The following RHCG variants were observed in gnomAD, a reference collection of about 807,000 sequenced individuals.
The protein encoded by RHCG is ammonium transporter Rh type C.
A neutral mutation model predicts 55.3 loss-of-function variants in RHCG; 39 were observed. The ratio of observed to expected loss-of-function variants is 0.70; its 90% CI spans 0.55 to 0.92. The LOEUF is 0.92. RHCG is among the 40% of genes least tolerant of loss of function. RHCG has a pLI of 0.00. For missense variants in RHCG, 635 were observed against 627.9 expected, an observed-to-expected ratio of 1.01 and a Z score of -0.12; for synonymous variants, 250 against 246.8, an observed-to-expected ratio of 1.01 and a Z score of -0.12.
Position 89,496,403 on chromosome 15 carries a change from T to A in RHCG, c.142A>T (p.Asn48Tyr). The A allele has an allele frequency of 6.2e-7, 1 of 1,614,014 alleles. No homozygotes were observed. The highest frequency in any genetic ancestry group is 1.1e-5 in the South Asian group (1 of 91,084). The change falls in exon 1 of 11, where the codon AAC becomes TAC. Residue 48 changes from asparagine (N) to tyrosine (Y), a missense_variant. Physicochemically the swap from Asn to Tyr is moderately radical, Grantham distance 143. Transcript: ENST00000268122. ...AATTCGTTCTCCATGTCGCTCAAGTTCTTGTGCGTCCTCTCTGACCACCAG... is the reference window on the plus strand; with the variant it reads ...AATTCGTTCTCCATGTCGCTCAAGTACTTGTGCGTCCTCTCTGACCACCAG... ...AHWWSERTHK[N>Y]LSDMENEFYY...
intron 5 of RHCG, among the ~76,000 whole-genome samples, chr15:89,478,336 G>A (rs1450115535): frequency 2.6e-5 from 4 of 152,220 alleles, no homozygotes; most frequent in Non-Finnish European, 4.4e-5. Context: ...ATGGATGCAA[G>A]TCCACGTCAA....
intron 1 of RHCG, among the ~76,000 whole-genome samples, chr15:89,495,855 T>C (rs1961555833): frequency 6.6e-6 from 1 of 152,356 alleles, no homozygotes; most frequent in East Asian, 1.9e-4. Flanking sequence ...GGTCATGCTC[T>C]TAACCACAGC....
rs2141890053 is a variant in RHCG, at chr15:89,477,897, A to G, written c.915T>C (p.Gly305=). 6.2e-7 allele frequency: 1 copy of G among 1,614,042 alleles called. No individual in the cohort carries two copies. The highest frequency in any genetic ancestry group is 8.5e-7 in the Non-Finnish European group (1 of 1,180,004). ...TAAEMMLMPY[G]ALIIGFVCGI... is the part of the protein sequence containing the mutation. The stretch of plus-strand genomic sequence containing the variant: ...CGCAGACGAAGCCGATGATGAGGGC[A>G]CCGTAAGGCATGAGCATCATCTCAG... The change falls in exon 6 of 11, where the codon GGT becomes GGC. Residue 305 remains glycine, a synonymous_variant. Transcript: ENST00000268122. The surrounding 1 kb of genome is among the most constrained non-coding windows in gnomAD (Gnocchi z 4.5).
intron 5 of RHCG, 141 bp downstream of exon 5, chr15:89,479,181 G>A (rs747635157): frequency 4.7e-5 from 37 of 788,990 alleles, no homozygotes; most frequent in Non-Finnish European, 6.4e-5. Flanking sequence ...CTGGCCATGT[G>A]CTCAAAACAA....
intron 4 of RHCG, 127 bp from the exon 5 acceptor site, chr15:89,479,615 A>G: frequency 1.2e-6 from 1 of 841,094 alleles, no homozygotes; most frequent in Non-Finnish European, 1.8e-6. Flanking sequence ...CCACCTCTGC[A>G]GCTTTAGTCA....
chr15:89,487,102 C>A (rs1961389141), intron 1 of RHCG, 117 bp from the exon 2 acceptor site: 1 of 942,616 alleles, frequency 1.1e-6, no homozygotes, highest in East Asian at 2.9e-5. Context: ...GGCGCGTCTC[C>A]CTGCTCCACC....
chr15:89,477,806 TAGCCCCC>T lies in RHCG; in HGVS notation c.975+24_975+30del. ...GGAACACAAAGACCTCAGCATTCTC[TAGCCCCC>T]AGCCCCTTGCCTGGGGCACTTACGG... On this transcript the variant is annotated intron_variant, in intron 6 of 10. Coordinates refer to ENST00000268122, the MANE Select transcript of RHCG (RefSeq NM_016321.3). This position sits in a 1 kb window ranked among gnomAD's most constrained non-coding sequence, Gnocchi z 4.5. 6.2e-7 allele frequency: 1 copy of T among 1,612,636 alleles called. No individual in the cohort carries two copies. Among genetic ancestry groups the T allele is most frequent in the East Asian group, 2.2e-5 (1 of 44,838 alleles).
At chr15:89,486,395 G>A (rs2057195309) in intron 2 of RHCG, 3 of 456,332 alleles carry the variant, frequency 6.6e-6, no homozygotes, top group Non-Finnish European at 1.3e-5. Flanking sequence ...AGGGCTGGGC[G>A]ATTTTGATGT....
At chr15:89,496,093 C>G (rs1265027832) in intron 1 of RHCG, among the ~76,000 whole-genome samples, 1 of 152,196 alleles carries the variant, frequency 6.6e-6, no homozygotes, top group Non-Finnish European at 1.5e-5. Context: ...GCAGGGCTCT[C>G]TGACAGGGAT....
At chr15:89,494,349 C>T (rs1427813018) in intron 1 of RHCG, among the ~76,000 whole-genome samples, 1 of 152,140 alleles carries the variant, frequency 6.6e-6, no homozygotes, top group African/African-American at 2.4e-5. Context: ...CCAGAGTGAC[C>T]ATAGCCCTGA....
chr15:89,478,592 C>A (rs766053725), intron 5 of RHCG, among the ~76,000 whole-genome samples: 1 of 152,152 alleles, frequency 6.6e-6, no homozygotes, highest in Non-Finnish European at 1.5e-5. Flanking sequence ...GGTTGTGTGG[C>A]CCCAGAGTCC....
At chr15:89,478,433 G>C (rs1961198714) in intron 5 of RHCG, among the ~76,000 whole-genome samples, 1 of 152,190 alleles carries the variant, frequency 6.6e-6, no homozygotes, top group African/African-American at 2.4e-5. Flanking sequence ...CTGGCTGTAG[G>C]GGTTAGCGCT....
At chr15:89,486,548 G>T (rs1171000192) in intron 2 of RHCG, 2 of 431,798 alleles carry the variant, frequency 4.6e-6, no homozygotes, top group African/African-American at 4.4e-5. Context: ...GAAGCGAAGT[G>T]AGAGAGAGAG....
Position 89,483,149 on chromosome 15 carries a change from C to T in RHCG, c.440G>A (p.Ser147Asn). ...AGTCATGATGAGCAGCTGAATGGGG[C>T]TGACTTTACCCAGAACTGCCCCAAA... ...VAFGAVLGKV[S>N]PIQLLIMTFF... Residue 147 changes from serine to asparagine, a missense_variant, in exon 3 of 11, where the codon AGC (serine) becomes AAC (asparagine). Transcript: ENST00000268122. 1.2e-6 allele frequency: 2 copies of T among 1,607,344 alleles called. No homozygotes were observed. The highest frequency in any genetic ancestry group is 1.1e-5 in the South Asian group (1 of 90,688).
chr15:89,486,238 G>T (rs187886135), intron 2 of RHCG: 10,448 of 456,448 alleles, frequency 0.023, 193 homozygotes, highest in Non-Finnish European at 0.034. Context: ...TGGGGTGGGT[G>T]GGGGCGGTGA....
In RHCG at chr15:89,496,569, G is replaced by A. The variant is rs1320674946; in HGVS notation, c.-25C>T. 1.3e-6 allele frequency: 2 copies of A among 1,598,648 alleles called. No individual in the cohort carries two copies. The highest frequency in any genetic ancestry group is 8.5e-7 in the Non-Finnish European group (1 of 1,173,532). On this transcript the variant is annotated 5_prime_UTR_variant, in exon 1 of 11. Coordinates refer to ENST00000268122, the MANE Select transcript of RHCG (RefSeq NM_016321.3). ...TGCTGCAGGGGTGCCTGGCCGGGCT[G>A]GCAGCGGGCGGTTCGGACGCTCGGA...
At chr15:89,474,864 T>TCCTGCCTGCCTTCCTTCCTG (rs1961107743) in intron 9 of RHCG, among the ~76,000 whole-genome samples, 16 of 119,018 alleles carry the variant, frequency 1.3e-4, no homozygotes, top group African/African-American at 5.5e-4. Context: ...CTGCCTTCCT[T>TCCTGCCTGCCTTCCTTCCTG]CCTGCCTGCC....
intron 1 of RHCG, among the ~76,000 whole-genome samples, chr15:89,491,315 C>T (rs1961471283): frequency 6.6e-6 from 1 of 152,190 alleles, no homozygotes; most frequent in Admixed American, 6.5e-5. Flanking sequence ...TTCTTCTCTT[C>T]CCTCCGTCAG....
chr15:89,474,847 T>A (rs1292091568), intron 9 of RHCG, among the ~76,000 whole-genome samples: 2 of 126,198 alleles, frequency 1.6e-5, no homozygotes, highest in Non-Finnish European at 3.4e-5. Context: ...CCTTCCTTCC[T>A]GCCTGCCTGC....
Sources: allele counts gnomAD v4.1 joint callset (sites outside exome capture counted in the v4.1 genomes callset), GRCh38; gene constraint gnomAD v4.1.1; non-coding constraint Gnocchi (gnomAD v3.1); transcripts MANE v1.5; gene names NCBI Gene and HGNC (gene_info 2026-07-23, HGNC 2026-07-21).